IFIT1B: variants seen among roughly 807,000 people sequenced by gnomAD.
IFIT1B encodes protein IFIT1 homolog B.
A neutral mutation model predicts 2.5 loss-of-function variants in IFIT1B; 3 were observed. That is an observed-to-expected ratio of 1.21 (90% CI 0.55 to 3.14). The LOEUF is 3.14. Among genes scored for constraint, IFIT1B ranks in the 30% most tolerant of loss-of-function variants. IFIT1B has a pLI of 0.03. For missense variants in IFIT1B, 545 were observed against 556.5 expected, an observed-to-expected ratio of 0.98 and a Z score of 0.21; for synonymous variants, 196 against 203.0, an observed-to-expected ratio of 0.97 and a Z score of 0.29.
intron 1 of IFIT1B, among the ~76,000 whole-genome samples, chr10:89,382,882 A>C (rs1043708928): frequency 1.3e-5 from 2 of 152,224 alleles, no homozygotes; most frequent in African/African-American, 4.8e-5. Context: ...GAGAAAACCA[A>C]AATGTGTTTA....
rs1246762499 is a variant in IFIT1B, at chr10:89,378,127, C to T, written c.-9C>T. 6 of 1,613,628 alleles carry T rather than the reference C, an allele frequency of 3.7e-6. No individual in the cohort carries two copies. The highest frequency in any genetic ancestry group is 5.1e-6 in the Non-Finnish European group (6 of 1,179,504). ...AGCACTACAGATCACCTGCTATCTT[C>T]ATAGCACCATGAGGTAAAGTCTTTC... On this transcript the variant is annotated 5_prime_UTR_variant, in exon 1 of 2. Coordinates refer to ENST00000371809, the MANE Select transcript of IFIT1B (RefSeq NM_001010987.2).
rs1267289420 is a variant in IFIT1B at position 89,384,281 on chromosome 10, A to G, written c.968A>G (p.Gln323Arg). 1 of 1,614,222 alleles carries G rather than the reference A, an allele frequency of 6.2e-7. No individual in the cohort carries two copies. Among genetic ancestry groups the G allele is most frequent in the Non-Finnish European group, 8.5e-7 (1 of 1,180,042 alleles). ...QDRETVDRLV[Q>R]LAICKFEKTI... ...AGGGAAACTGTGGACAGATTGGTTC[A>G]ATTGGCTATATGCAAATTTGAAAAG... The change falls in exon 2 of 2, where the codon CAA (glutamine) becomes CGA (arginine). Residue 323 changes from glutamine (Q) to arginine (R), a missense_variant. Physicochemically the swap from Gln to Arg is conservative, Grantham distance 43. Transcript: ENST00000371809.
chr10:89,380,242 C>T (rs118109669), intron 1 of IFIT1B, among the ~76,000 whole-genome samples: 2 of 152,210 alleles, frequency 1.3e-5, no homozygotes, highest in East Asian at 3.9e-4. Context: ...CATCAAAATC[C>T]TCCTGATCCC....
chr10:89,384,676 G>A lies in IFIT1B; in HGVS notation c.1363G>A (p.Asp455Asn). 6.2e-7 allele frequency: 1 copy of A among 1,614,204 alleles called. No individual in the cohort carries two copies. Among genetic ancestry groups the A allele is most frequent in the Non-Finnish European group, 8.5e-7 (1 of 1,180,036 alleles). The change falls in exon 2 of 2, where the codon GAT becomes AAT. Residue 455 changes from aspartate to asparagine, a missense_variant. Physicochemically the swap from Asp to Asn is conservative, Grantham distance 23 (BLOSUM62 1). Transcript: ENST00000371809. Reference sequence around the variant, plus strand: ...CCACAAATTGAAAGGAGAAGTAAGTGATGCTTTGCTGTGCTATGAGAGGGC... The same window carrying A: ...CCACAAATTGAAAGGAGAAGTAAGTAATGCTTTGCTGTGCTATGAGAGGGC... ...LIHKLKGEVS[D>N]ALLCYERALR...
Position 89,384,259 on chromosome 10 carries a change from G to A in IFIT1B, c.946G>A (p.Glu316Lys), listed in dbSNP as rs779271234. 6.2e-7 allele frequency: 1 copy of A among 1,614,206 alleles called. No individual in the cohort carries two copies. Among genetic ancestry groups the A allele is most frequent in the South Asian group, 1.1e-5 (1 of 91,090 alleles). Residue 316 changes from glutamate to lysine, a missense_variant, in exon 2 of 2, where the codon GAA becomes AAA. Glu to Lys is a moderately conservative substitution (Grantham distance 56). Transcript: ENST00000371809. ...CTGGCAGCCTAGAGGGCAAGATAGG[G>A]AAACTGTGGACAGATTGGTTCAATT... is the stretch of plus-strand genomic sequence containing the variant. Reference protein sequence around the residue: ...TNWQPRGQDRETVDRLVQLAI... With the variant: ...TNWQPRGQDRKTVDRLVQLAI...
rs142964444 is a variant in IFIT1B at position 89,383,875 on chromosome 10, C to T, written c.562C>T (p.Leu188=). ...NTGYAITVYR[L]DKFNTASGRN... is the part of the protein sequence containing the mutation. ...TGGGTACGCAATCACCGTCTATCGCCTGGATAAATTTAACACAGCATCAGG... is the reference window on the plus strand; with the variant it reads ...TGGGTACGCAATCACCGTCTATCGCTTGGATAAATTTAACACAGCATCAGG... Residue 188 remains leucine, a synonymous_variant, in exon 2 of 2, where the codon CTG becomes TTG. Transcript: ENST00000371809. 1.8e-3 allele frequency: 2,923 copies of T among 1,614,170 alleles called. 19 individuals carry two copies. The African/African-American group carries it at 0.019, about 11-fold the overall frequency.
chr10:89,383,057 G>A (rs149804577), intron 1 of IFIT1B, among the ~76,000 whole-genome samples: 1 of 152,306 alleles, frequency 6.6e-6, no homozygotes, highest in East Asian at 1.9e-4. Flanking sequence ...TTTGATGTTA[G>A]CAGAATTAAC....
chr10:89,379,930 G>C (rs932561835), intron 1 of IFIT1B, among the ~76,000 whole-genome samples: 1 of 151,996 alleles, frequency 6.6e-6, no homozygotes, highest in African/African-American at 2.4e-5. Flanking sequence ...AGCTACTCAG[G>C]AGGCTGAGGC....
rs1393870987 is a variant in IFIT1B, at chr10:89,383,706, T to C, written c.393T>C (p.Pro131=). 1 of 1,614,098 alleles carries C rather than the reference T, an allele frequency of 6.2e-7. No individual in the cohort carries two copies. Among genetic ancestry groups the C allele is most frequent in the African/African-American group, 1.3e-5 (1 of 74,932 alleles). The change falls in exon 2 of 2, where the codon CCT becomes CCC. Residue 131 remains proline (P), a synonymous_variant. Coordinates refer to ENST00000371809, the MANE Select transcript of IFIT1B (RefSeq NM_001010987.2). ...ACACTTGCAAGAAGTTTGCAAATCC[T>C]TCCCGCTATAGAATGGAGTGTCCAG... is the stretch of plus-strand genomic sequence containing the variant. ...VENTCKKFAN[P]SRYRMECPEV...
chr10:89,379,028 T>C (rs1844142052), intron 1 of IFIT1B, among the ~76,000 whole-genome samples: 1 of 152,190 alleles, frequency 6.6e-6, no homozygotes, highest in Non-Finnish European at 1.5e-5. Context: ...AAATACTCTT[T>C]TAGGCATCCA....
At chr10:89,378,254 T>A in intron 1 of IFIT1B, 114 bp downstream of exon 1, 1 of 1,045,384 alleles carries the variant, frequency 9.6e-7, no homozygotes, top group Non-Finnish European at 1.5e-6. Flanking sequence ...GTCCCACTGG[T>A]GGTTCTGACC....
At position 89,384,636 on chromosome 10, in the gene IFIT1B, C is replaced by A; in HGVS notation, c.1323C>A (p.Ser441Arg). The change falls in exon 2 of 2, where the codon AGC (serine) becomes AGA (arginine). Residue 441 changes from serine (S) to arginine (R), a missense_variant. By Grantham distance (110) the Ser-to-Arg change is moderately radical. Coordinates refer to ENST00000371809, the MANE Select transcript of IFIT1B (RefSeq NM_001010987.2). ...ATGTACGGGTTGTGGAAAGTGTCAG[C>A]CTCCTTGGGCTTATCCACAAATTGA... ...HQNVRVVESV[S>R]LLGLIHKLKG... 1 of 1,614,150 alleles carries A rather than the reference C, an allele frequency of 6.2e-7. No homozygotes were observed. Among genetic ancestry groups the A allele is most frequent in the Non-Finnish European group, 8.5e-7 (1 of 1,179,996 alleles).
intron 1 of IFIT1B, among the ~76,000 whole-genome samples, chr10:89,378,574 G>A (rs1327289177): frequency 1.3e-5 from 2 of 152,182 alleles, no homozygotes; most frequent in Non-Finnish European, 2.9e-5. Context: ...TTAATTCCAT[G>A]ACCTTCACCT....
rs200999070 is a variant in IFIT1B, at chr10:89,383,586, T to A, written c.273T>A (p.Asp91Glu). The A allele has an allele frequency of 3.6e-4, 587 of 1,614,014 alleles. 1 individual carries two copies. The highest frequency in any genetic ancestry group is 3.3e-4 in the Middle Eastern group (2 of 6,084). Residue 91 changes from aspartate (D) to glutamate (E), a missense_variant, in exon 2 of 2, where the codon GAT becomes GAA. Coordinates refer to ENST00000371809, the MANE Select transcript of IFIT1B (RefSeq NM_001010987.2). ...AGAAAGAACATGCCAACCAAGCAGA[T>A]ATTAGAAGTCTGGTGACCTGGGGCA... ...LIQKEHANQA[D>E]IRSLVTWGNF...
intron 1 of IFIT1B, 50 bp from the exon 2 acceptor site, chr10:89,383,269 T>C (rs761019769): frequency 8.0e-6 from 12 of 1,492,560 alleles, no homozygotes; most frequent in East Asian, 6.8e-5. Context: ...TCATTTTCAG[T>C]GGACTGAATA....
chr10:89,379,398 A>T (rs1044937365), intron 1 of IFIT1B, among the ~76,000 whole-genome samples: 2 of 152,140 alleles, frequency 1.3e-5, no homozygotes, highest in Non-Finnish European at 2.9e-5. Flanking sequence ...AAATTTGAAA[A>T]ACCATTATAC....
chr10:89,384,528 T>A lies in IFIT1B; in HGVS notation c.1215T>A (p.Gly405=), dbSNP rs143558331. 1 of 1,613,942 alleles carries A rather than the reference T, an allele frequency of 6.2e-7. No homozygotes were observed. Among genetic ancestry groups the A allele is most frequent in the South Asian group, 1.1e-5 (1 of 91,084 alleles). The change falls in exon 2 of 2, where the codon GGT becomes GGA. Residue 405 remains glycine (G), a synonymous_variant. Transcript: ENST00000371809. ...AAGCAATTACCCATTATTTAAAAGG[T>A]TTGAAAATAGAAAAAATGTCCCATT... is the stretch of plus-strand genomic sequence containing the variant. The part of the protein sequence containing the change: ...QDKAITHYLK[G]LKIEKMSHSR...
Position 89,384,504 on chromosome 10 carries a change from A to T in IFIT1B, c.1191A>T (p.Lys397Asn). Residue 397 changes from lysine (K) to asparagine (N), a missense_variant, in exon 2 of 2, where the codon AAA becomes AAT. Lys to Asn is a moderately conservative substitution (Grantham distance 94, BLOSUM62 0). Coordinates refer to ENST00000371809, the MANE Select transcript of IFIT1B (RefSeq NM_001010987.2). ...FQEHHGKSQD[K>N]AITHYLKGLK... The stretch of plus-strand genomic sequence containing the variant: ...AACATCATGGGAAATCTCAAGATAA[A>T]GCAATTACCCATTATTTAAAAGGTT... 1 of 1,614,052 alleles carries T rather than the reference A, an allele frequency of 6.2e-7. No individual in the cohort carries two copies. Among genetic ancestry groups the T allele is most frequent in the Non-Finnish European group, 8.5e-7 (1 of 1,179,886 alleles).
intron 1 of IFIT1B, among the ~76,000 whole-genome samples, chr10:89,381,858 T>C (rs562321431): frequency 1.4e-4 from 22 of 152,262 alleles, no homozygotes; most frequent in African/African-American, 5.1e-4. Context: ...TGATCTCGGT[T>C]CATGGCAACC....
Sources: allele counts gnomAD v4.1 joint callset (sites outside exome capture counted in the v4.1 genomes callset), GRCh38; gene constraint gnomAD v4.1.1; transcripts MANE v1.5; gene names NCBI Gene and HGNC (gene_info 2026-07-23, HGNC 2026-07-21).